Variants in MAGI2 observed in about 807,000 individuals in gnomAD.
MAGI2 encodes the protein membrane associated guanylate kinase, WW and PDZ domain containing 2, also known as membrane-associated guanylate kinase, WW and PDZ domain-containing protein 2.
MAGI2 carries 35 observed loss-of-function variants against 133.3 expected under a neutral mutation model. That is an observed-to-expected ratio of 0.26 (90% CI 0.20 to 0.35). The LOEUF (loss-of-function observed/expected upper bound fraction) is 0.35. MAGI2 is among the 10% of genes least tolerant of loss of function. The probability of loss-of-function intolerance (pLI) is 1.00; values close to 1 mark genes in which losing one functional copy is unlikely to be tolerated. For missense variants in MAGI2, 1,636 were observed against 1,863.4 expected (o/e 0.88, Z 2.25); for synonymous variants, 729 against 710.6 (o/e 1.03, Z -0.41).
intron 1 of MAGI2, among the ~76,000 whole-genome samples, chr7:79,104,437 C>T (rs1299531449): frequency 6.6e-6 from 1 of 152,044 alleles, no homozygotes; most frequent in Admixed American, 6.5e-5. Context: ...GGGAGGCAAA[C>T]GCAGGCAGAT....
intron 2 of MAGI2, among the ~76,000 whole-genome samples, chr7:78,682,409 C>A (rs985422253): frequency 6.6e-6 from 1 of 152,012 alleles, no homozygotes; most frequent in South Asian, 2.1e-4. Flanking sequence ...GTGTGTGATG[C>A]TCCCCTCCCT....
chr7:79,144,258 G>C (rs1822406530), intron 1 of MAGI2, among the ~76,000 whole-genome samples: 1 of 152,200 alleles, frequency 6.6e-6, no homozygotes, highest in Non-Finnish European at 1.5e-5. Context: ...ATAAAGCACT[G>C]ATATGGTTTG....
At position 78,235,845 on chromosome 7, in the gene MAGI2, G is replaced by T. The variant is rs576536438; in HGVS notation, c.2047+20098C>A. Among the ~76,000 whole-genome samples the T allele has an allele frequency of 1.4e-4, 22 of 151,864 alleles. No homozygotes were observed. In the South Asian group the frequency reaches 1.7e-3, roughly 11 times the overall value. ...ATCCAGAAACATTGAGAACCCTGGG[G>T]TTTTTTTTACATAGTATGGACATTG... On this transcript the variant is annotated intron_variant, in intron 10 of 21. Coordinates refer to ENST00000354212, the MANE Select transcript of MAGI2 (RefSeq NM_012301.4).
intron 1 of MAGI2, chr7:79,415,545 G>A (rs1846441509): frequency 6.6e-6 from 1 of 152,060 alleles, no homozygotes; most frequent in South Asian, 2.1e-4. Context: ...AGTATTTCTG[G>A]GAAGACAAGG....
intron 2 of MAGI2, among the ~76,000 whole-genome samples, chr7:78,760,547 G>A (rs1276014840): frequency 6.6e-6 from 1 of 152,014 alleles, no homozygotes; most frequent in Non-Finnish European, 1.5e-5. Flanking sequence ...ATTTTTAGTA[G>A]AGATGGGGTT....
At chr7:79,075,636 G>T (rs546198838) in intron 1 of MAGI2, among the ~76,000 whole-genome samples, 201 of 152,094 alleles carry the variant, frequency 1.3e-3, no homozygotes, top group African/African-American at 4.2e-3. Flanking sequence ...GGTGGTGTGT[G>T]CCTGTAGTCC....
chr7:79,390,954 C>T (rs976656995), intron 1 of MAGI2, among the ~76,000 whole-genome samples: 1 of 152,164 alleles, frequency 6.6e-6, no homozygotes, highest in African/African-American at 2.4e-5. Flanking sequence ...CCAGAATAAA[C>T]AGCCCAATTC....
At chr7:78,726,590 G>A (rs147951036) in intron 2 of MAGI2, among the ~76,000 whole-genome samples, 1,947 of 152,248 alleles carry the variant, frequency 0.013, 25 homozygotes, top group South Asian at 0.025. Context: ...CAAAATTACT[G>A]TTGGCATTAT....
intron 20 of MAGI2, among the ~76,000 whole-genome samples, chr7:78,100,301 C>A (rs1359791434): frequency 1.3e-5 from 2 of 152,194 alleles, no homozygotes; most frequent in African/African-American, 2.4e-5. Flanking sequence ...CTGAATCATA[C>A]AACCCTGCAT....
chr7:78,856,721 T>A (rs1257574327), intron 2 of MAGI2, among the ~76,000 whole-genome samples: 1 of 152,144 alleles, frequency 6.6e-6, no homozygotes, highest in Non-Finnish European at 1.5e-5. Context: ...CTTAGGATTG[T>A]CTTGGCAATG....
At chr7:78,502,968 C>T (rs998973335) in intron 4 of MAGI2, among the ~76,000 whole-genome samples, 2 of 152,154 alleles carry the variant, frequency 1.3e-5, no homozygotes, top group African/African-American at 4.8e-5. Flanking sequence ...AACATGCAGA[C>T]ACCTGGATAC....
At position 78,313,991 on chromosome 7, in the gene MAGI2, G is replaced by A. The variant is rs145501428; in HGVS notation, c.1408+29787C>T. Among the ~76,000 whole-genome samples the A allele has an allele frequency of 4.4e-4, 67 of 152,208 alleles. No individual in the cohort carries two copies. In the East Asian group the frequency reaches 0.012, roughly 26 times the overall value. On this transcript the variant is annotated intron_variant, in intron 9 of 21. Transcript: ENST00000354212. ...CCTATACTAAGTTAACCCACACTAA[G>A]ATGCTGTTCACTTTGAAAGACCTCT... is the stretch of plus-strand genomic sequence containing the variant.
At chr7:78,674,210 A>G (rs1814731898) in intron 2 of MAGI2, among the ~76,000 whole-genome samples, 1 of 149,344 alleles carries the variant, frequency 6.7e-6, no homozygotes, top group South Asian at 2.1e-4. Flanking sequence ...AAATACATGA[A>G]AAATCCATCC....
chr7:79,055,185 C>T (rs1478917525), intron 1 of MAGI2, among the ~76,000 whole-genome samples: 1 of 152,128 alleles, frequency 6.6e-6, no homozygotes, highest in Non-Finnish European at 1.5e-5. Flanking sequence ...TTCTGATGTC[C>T]TCTGAATATA....
chr7:78,463,580 T>C (rs1790298318), intron 6 of MAGI2, among the ~76,000 whole-genome samples: 1 of 152,186 alleles, frequency 6.6e-6, no homozygotes, highest in South Asian at 2.1e-4. Context: ...TGGGAGTAGA[T>C]GCTACCATGT....
chr7:78,765,085 T>C (rs557208312), intron 2 of MAGI2, among the ~76,000 whole-genome samples: 1 of 152,138 alleles, frequency 6.6e-6, no homozygotes, highest in Non-Finnish European at 1.5e-5. Context: ...CTTGTTGATA[T>C]GGGTAGTAAA....
At chr7:78,972,593 A>G (rs1456616835) in intron 2 of MAGI2, among the ~76,000 whole-genome samples, 2 of 151,890 alleles carry the variant, frequency 1.3e-5, no homozygotes, top group Admixed American at 1.3e-4. Context: ...GGTAGATTTC[A>G]TAGTAATTAT....
At chr7:78,605,856 T>C (rs538883195) in intron 3 of MAGI2, among the ~76,000 whole-genome samples, 1 of 152,304 alleles carries the variant, frequency 6.6e-6, no homozygotes, top group Admixed American at 6.5e-5. Context: ...ATGGAGACTG[T>C]GACGGGAGGT....
intron 21 of MAGI2, among the ~76,000 whole-genome samples, chr7:78,057,977 G>GTGTATATA (rs762943472): frequency 3.8e-5 from 4 of 106,612 alleles, no homozygotes; most frequent in South Asian, 6.5e-4. Flanking sequence ...ATATATATGT[G>GTGTATATA]TATATATATA....
Sources: allele counts gnomAD v4.1 joint callset (sites outside exome capture counted in the v4.1 genomes callset), GRCh38; gene constraint gnomAD v4.1.1; transcripts MANE v1.5; gene names NCBI Gene and HGNC (gene_info 2026-07-23, HGNC 2026-07-21).